The following ST3GAL1 variants were observed in gnomAD, a reference collection of about 807,000 sequenced individuals.
The protein encoded by ST3GAL1 is ST3 beta-galactoside alpha-2,3-sialyltransferase 1.
ST3GAL1 carries 16 observed loss-of-function variants against 34.1 expected under a neutral mutation model. That is an observed-to-expected ratio of 0.47 (90% CI 0.32 to 0.71). ST3GAL1 has a LOEUF of 0.71. ST3GAL1 is among the 30% of genes least tolerant of loss of function. The pLI is 0.04. For synonymous variants in ST3GAL1, 191 were observed against 184.7 expected, an observed-to-expected ratio of 1.03 and a Z score of -0.28; for missense variants, 353 against 447.4, an observed-to-expected ratio of 0.79 and a Z score of 1.90.
chr8:133,500,296 G>A (rs1264566645), intron 2 of ST3GAL1, among the ~76,000 whole-genome samples: 3 of 152,150 alleles, frequency 2.0e-5, no homozygotes, highest in East Asian at 1.9e-4. Context: ...GCCCTCAGAC[G>A]TTAATATCAC....
At chr8:133,510,153 C>T (rs1292882849) in intron 2 of ST3GAL1, among the ~76,000 whole-genome samples, 2 of 152,012 alleles carry the variant, frequency 1.3e-5, no homozygotes, top group African/African-American at 4.8e-5. Context: ...TACTGCATCA[C>T]ACACCTGTTT....
intron 1 of ST3GAL1, among the ~76,000 whole-genome samples, chr8:133,552,039 TGCCATCAGTATTTACTGA>T (rs1460090339): frequency 1.3e-5 from 2 of 152,234 alleles, no homozygotes; most frequent in African/African-American, 4.8e-5. Flanking sequence ...ACAGTTTACT[TGCCATCAGTATTTACTGA>T]GCCTTGCACT....
chr8:133,550,270 C>A (rs1376672973), intron 1 of ST3GAL1, among the ~76,000 whole-genome samples: 6 of 152,300 alleles, frequency 3.9e-5, no homozygotes, highest in Admixed American at 3.3e-4. Flanking sequence ...TATTTCCCCA[C>A]CCTTCCAAGA....
chr8:133,463,505 C>A, intron 7 of ST3GAL1, 46 bp from the exon 8 acceptor site: 1 of 1,605,838 alleles, frequency 6.2e-7, no homozygotes, highest in South Asian at 1.1e-5. Flanking sequence ...AGGGGACAGG[C>A]CCAGGAACCT....
intron 8 of ST3GAL1, among the ~76,000 whole-genome samples, chr8:133,462,830 G>A (rs1031650632): frequency 6.6e-6 from 1 of 152,224 alleles, no homozygotes; most frequent in Non-Finnish European, 1.5e-5. Context: ...GATGCTGGAG[G>A]CACGGGGAGT....
chr8:133,487,171 C>T (rs1816636435), intron 3 of ST3GAL1, among the ~76,000 whole-genome samples: 1 of 152,124 alleles, frequency 6.6e-6, no homozygotes, highest in African/African-American at 2.4e-5. Flanking sequence ...GAACTCCTGA[C>T]CTCGTGATCT....
chr8:133,541,596 C>T (rs946710260), intron 2 of ST3GAL1, among the ~76,000 whole-genome samples: 4 of 152,180 alleles, frequency 2.6e-5, no homozygotes, highest in African/African-American at 9.7e-5. Flanking sequence ...CTGGCCTACA[C>T]TGTGACGGCC....
chr8:133,500,761 A>G (rs572561666), intron 2 of ST3GAL1, among the ~76,000 whole-genome samples: 2 of 152,334 alleles, frequency 1.3e-5, no homozygotes, highest in South Asian at 2.1e-4. Flanking sequence ...CCTCTCAGCC[A>G]TGCTCCCTGA....
chr8:133,551,618 G>C (rs891226071), intron 1 of ST3GAL1, among the ~76,000 whole-genome samples: 4 of 144,278 alleles, frequency 2.8e-5, no homozygotes, highest in African/African-American at 7.6e-5. Context: ...AAGAAAGAAA[G>C]AGCGAGCAAG....
chr8:133,536,163 T>C (rs1289962273), intron 2 of ST3GAL1, among the ~76,000 whole-genome samples: 1 of 152,110 alleles, frequency 6.6e-6, no homozygotes. Flanking sequence ...ACTGTGAAGA[T>C]GACTCTGTGA....
At chr8:133,471,115 C>T (rs933314692) in intron 5 of ST3GAL1, among the ~76,000 whole-genome samples, 3 of 152,278 alleles carry the variant, frequency 2.0e-5, no homozygotes, top group African/African-American at 7.2e-5. Context: ...ACATGGGTGG[C>T]ACCACTGGGG....
At chr8:133,553,032 C>T (rs1427884798) in intron 1 of ST3GAL1, among the ~76,000 whole-genome samples, 2 of 152,160 alleles carry the variant, frequency 1.3e-5, no homozygotes, top group African/African-American at 4.8e-5. Flanking sequence ...TCAGGTCTGT[C>T]TTCAACACAA....
At chr8:133,520,196 C>A (rs1326467958) in intron 2 of ST3GAL1, among the ~76,000 whole-genome samples, 3 of 152,110 alleles carry the variant, frequency 2.0e-5, no homozygotes, top group Non-Finnish European at 4.4e-5. Context: ...AGAGACTATG[C>A]AAAGAAATGA....
chr8:133,473,073 A>G (rs1177492749), intron 5 of ST3GAL1, among the ~76,000 whole-genome samples: 1 of 142,924 alleles, frequency 7.0e-6, no homozygotes, highest in Non-Finnish European at 1.6e-5. Flanking sequence ...AAACCTAGGA[A>G]CGCTGATGCC....
chr8:133,521,746 TA>T (rs1355430702), intron 2 of ST3GAL1, among the ~76,000 whole-genome samples: 1 of 152,204 alleles, frequency 6.6e-6, no homozygotes, highest in African/African-American at 2.4e-5. Context: ...GAATTTTAAA[TA>T]ACACGGAGGA....
chr8:133,460,823 G>A (rs1383791606), intron 9 of ST3GAL1, among the ~76,000 whole-genome samples: 1 of 151,982 alleles, frequency 6.6e-6, no homozygotes, highest in Admixed American at 6.5e-5. Context: ...TGACCAGAAG[G>A]AATTGCATGG....
At chr8:133,552,055 T>C (rs1818880044) in intron 1 of ST3GAL1, among the ~76,000 whole-genome samples, 1 of 152,244 alleles carries the variant, frequency 6.6e-6, no homozygotes, top group African/African-American at 2.4e-5. Context: ...CAGTATTTAC[T>C]GAGCCTTGCA....
intron 2 of ST3GAL1, among the ~76,000 whole-genome samples, chr8:133,531,665 G>C (rs1012840145): frequency 6.6e-6 from 1 of 152,078 alleles, no homozygotes; most frequent in Non-Finnish European, 1.5e-5. Context: ...CAGTCAGGGG[G>C]TGAGGGGAGG....
chr8:133,532,783 C>T (rs1320934809), intron 2 of ST3GAL1, among the ~76,000 whole-genome samples: 1 of 152,162 alleles, frequency 6.6e-6, no homozygotes, highest in Admixed American at 6.5e-5. Context: ...TGTGCAGGAT[C>T]TATAGCATCC....
Sources: allele counts gnomAD v4.1 joint callset (sites outside exome capture counted in the v4.1 genomes callset), GRCh38; gene constraint gnomAD v4.1.1; transcripts MANE v1.5; gene names NCBI Gene and HGNC (gene_info 2026-07-23, HGNC 2026-07-21).